The following MCF2L2 variants were observed in gnomAD, a reference collection of about 807,000 sequenced individuals.
MCF2L2 encodes MCF.2 cell line derived transforming sequence-like 2.
MCF2L2 carries 102 observed loss-of-function variants against 150.2 expected under a neutral mutation model. The ratio of observed to expected loss-of-function variants is 0.68; its 90% CI spans 0.58 to 0.80. MCF2L2 has a LOEUF of 0.80. MCF2L2 is among the 30% of genes least tolerant of loss of function. The pLI, the probability that MCF2L2 is intolerant of heterozygous loss-of-function variation, is 0.00. For missense variants in MCF2L2, 1,256 were observed against 1,372.8 expected, an observed-to-expected ratio of 0.91 and a Z score of 1.34; for synonymous variants, 465 against 491.3, an observed-to-expected ratio of 0.95 and a Z score of 0.71.
chr3:183,427,728 G>A (rs953834099), intron 1 of MCF2L2, among the ~76,000 whole-genome samples, 174 bp downstream of exon 1: 172 of 151,952 alleles, frequency 1.1e-3, no homozygotes, highest in Non-Finnish European at 1.7e-3. Flanking sequence ...CCCCAGGGAT[G>A]CCCCCCGCTG....
At chr3:183,414,233 T>A (rs1010241119) in intron 1 of MCF2L2, among the ~76,000 whole-genome samples, 1 of 152,206 alleles carries the variant, frequency 6.6e-6, no homozygotes, top group Non-Finnish European at 1.5e-5. Context: ...GGTAAGTTTT[T>A]AAAAAATTAC....
intron 3 of MCF2L2, chr3:183,379,010 A>T (rs1230394140): frequency 5.9e-6 from 2 of 336,374 alleles, no homozygotes; most frequent in East Asian, 1.1e-4. Context: ...CAATAGCCTA[A>T]GGAACAAAGG....
At chr3:183,334,963 T>G (rs1442048513) in intron 5 of MCF2L2, among the ~76,000 whole-genome samples, 1 of 151,472 alleles carries the variant, frequency 6.6e-6, no homozygotes, top group Non-Finnish European at 1.5e-5. Context: ...AAAAATAGCC[T>G]GCATGGTGCA....
rs775432295 is a variant in MCF2L2 at position 183,223,329 on chromosome 3, T to C, written c.2301+17A>G. On this transcript the variant is annotated intron_variant, in intron 20 of 29. Coordinates refer to ENST00000328913, the MANE Select transcript of MCF2L2 (RefSeq NM_015078.4). ...CTGGTTTCCCACCAAGGAAAAGCAC[T>C]GTCTCATTGATTTTACCTTCAACAG... is the stretch of plus-strand genomic sequence containing the variant. The C allele has an allele frequency of 3.1e-6, 5 of 1,590,746 alleles. No homozygotes were observed. Among genetic ancestry groups the C allele is most frequent in the Non-Finnish European group, 4.3e-6 (5 of 1,158,600 alleles).
chr3:183,348,591 G>A (rs1411693387), intron 3 of MCF2L2, among the ~76,000 whole-genome samples: 2 of 151,912 alleles, frequency 1.3e-5, no homozygotes, highest in African/African-American at 4.8e-5. Context: ...TTTTAAAAAG[G>A]CAAGTAGAGA....
intron 3 of MCF2L2, among the ~76,000 whole-genome samples, chr3:183,365,077 A>G (rs1712446663): frequency 6.6e-6 from 1 of 152,248 alleles, no homozygotes. Flanking sequence ...TAGTTAAAGG[A>G]TATAATGGTG....
intron 4 of MCF2L2, 29 bp downstream of exon 4, chr3:183,341,511 A>C (rs1730693561): frequency 6.6e-7 from 1 of 1,513,788 alleles, no homozygotes; most frequent in African/African-American, 1.4e-5. Context: ...AATGACTTTT[A>C]TAATAAAAGC....
intron 5 of MCF2L2, among the ~76,000 whole-genome samples, chr3:183,325,230 C>T (rs1217070808): frequency 1.3e-5 from 2 of 151,574 alleles, no homozygotes; most frequent in African/African-American, 4.9e-5. Flanking sequence ...AACAAACCTG[C>T]ACATTGTGCA....
At chr3:183,210,676 C>G (rs1156497305) in intron 22 of MCF2L2, among the ~76,000 whole-genome samples, 1 of 152,184 alleles carries the variant, frequency 6.6e-6, no homozygotes, top group East Asian at 1.9e-4. Context: ...GGTGTACACT[C>G]TCTAATGACT....
chr3:183,229,707 A>G lies in MCF2L2; in HGVS notation c.2004T>C (p.Phe668=). 6.2e-7 allele frequency: 1 copy of G among 1,600,952 alleles called. No homozygotes were observed. Among genetic ancestry groups the G allele is most frequent in the South Asian group, 1.1e-5 (1 of 90,068 alleles). The change falls in exon 17 of 30, where the codon TTT becomes TTC. Residue 668 remains phenylalanine (F), a synonymous_variant. Coordinates refer to ENST00000328913, the MANE Select transcript of MCF2L2 (RefSeq NM_015078.4). ...AAAGTTCTCTAATATTCCCAAAGAG[A>G]AAGTCCTTGTTATTCTGAAGAACAT... ...IPDVLQNNKD[F]LFGNIRELYE...
At chr3:183,314,187 G>A in intron 7 of MCF2L2, among the ~76,000 whole-genome samples, 1 of 152,164 alleles carries the variant, frequency 6.6e-6, no homozygotes, top group East Asian at 1.9e-4. Flanking sequence ...TTTGATTGGA[G>A]AGAAAATAGC....
chr3:183,258,155 A>AC (rs1725243338), intron 15 of MCF2L2: 1 of 151,910 alleles, frequency 6.6e-6, no homozygotes, highest in Non-Finnish European at 1.5e-5. Flanking sequence ...TTTAGTAGAG[A>AC]TGGGGTTTCA....
Position 183,341,561 on chromosome 3 carries a change from C to T in MCF2L2, c.345G>A (p.Lys115=), listed in dbSNP as rs748545119. The T allele has an allele frequency of 3.7e-6, 6 of 1,613,692 alleles. No homozygotes were observed. Among genetic ancestry groups the T allele is most frequent in the Non-Finnish European group, 5.1e-6 (6 of 1,179,612 alleles). The change falls in exon 4 of 30, where the codon AAG becomes AAA. Residue 115 remains lysine (K), a synonymous_variant. Coordinates refer to ENST00000328913, the MANE Select transcript of MCF2L2 (RefSeq NM_015078.4). The part of the protein sequence containing the change: ...DRRRDKWSSV[K]ASLTRIAVAF... The stretch of plus-strand genomic sequence containing the variant: ...TTACAGCTATTCGTGTCAAGGATGC[C>T]TTTACGGAGCTCCACTTGTCTCTTC...
intron 5 of MCF2L2, 101 bp from the exon 6 acceptor site, chr3:183,323,452 T>C (rs887000415): frequency 8.8e-6 from 4 of 454,878 alleles, no homozygotes. Context: ...TATTCTATTA[T>C]TATTTAAATG....
intron 15 of MCF2L2, among the ~76,000 whole-genome samples, chr3:183,261,096 T>C (rs1445035107): frequency 6.6e-6 from 1 of 152,238 alleles, no homozygotes; most frequent in Non-Finnish European, 1.5e-5. Context: ...CATTTCACAT[T>C]GCCTCCTTCC....
At chr3:183,323,853 T>A (rs1729918316) in intron 5 of MCF2L2, among the ~76,000 whole-genome samples, 1 of 151,706 alleles carries the variant, frequency 6.6e-6, no homozygotes, top group Non-Finnish European at 1.5e-5. Context: ...TCTCTTCCAT[T>A]TTTTGCTTTT....
At chr3:183,282,141 G>A (rs1020312622) in intron 14 of MCF2L2, among the ~76,000 whole-genome samples, 9 of 151,052 alleles carry the variant, frequency 6.0e-5, no homozygotes, top group Admixed American at 5.9e-4. Flanking sequence ...TTTACTTACT[G>A]GTTAAATTGG....
At chr3:183,241,967 T>C (rs1232192388) in intron 15 of MCF2L2, among the ~76,000 whole-genome samples, 1 of 152,206 alleles carries the variant, frequency 6.6e-6, no homozygotes, top group Admixed American at 6.5e-5. Flanking sequence ...AGACTCTTGC[T>C]ATGTTTTAGC....
At chr3:183,286,185 G>A (rs751509101) in intron 14 of MCF2L2, among the ~76,000 whole-genome samples, 5 of 152,134 alleles carry the variant, frequency 3.3e-5, no homozygotes, top group Non-Finnish European at 7.4e-5. Flanking sequence ...ATCAAACCAT[G>A]TCATAATTTT....
Sources: gnomAD v4.1 joint callset for allele counts (sites outside exome capture counted in the v4.1 genomes callset) on GRCh38, gnomAD v4.1.1 for gene constraint, MANE v1.5 for transcripts, NCBI Gene and HGNC (gene_info 2026-07-23, HGNC 2026-07-21) for gene names.